Variants in ANKRD36 observed in about 807,000 individuals in gnomAD.
ANKRD36 encodes ankyrin repeat domain-containing protein 36A.
In ANKRD36, 179 loss-of-function variants were observed where a neutral mutation model predicts 278.1. The ratio of observed to expected loss-of-function variants is 0.64; its 90% CI spans 0.57 to 0.73. The LOEUF (loss-of-function observed/expected upper bound fraction) is 0.73. Among genes scored for constraint, ANKRD36 ranks in the 30% least tolerant of loss-of-function variants. The pLI, the probability that ANKRD36 is intolerant of heterozygous loss-of-function variation, is 0.00. For missense variants in ANKRD36, 1,159 were observed against 1,956.7 expected, an observed-to-expected ratio of 0.59 and a Z score of 7.69; for synonymous variants, 320 against 641.1, an observed-to-expected ratio of 0.50 and a Z score of 7.57.
At position 97,138,101 on chromosome 2, in the gene ANKRD36, CA is replaced by C. The variant is rs372696726; in HGVS notation, c.800-4538del. On this transcript the variant is annotated intron_variant, in intron 6 of 75. Transcript: ENST00000420699. Reference sequence around the variant, plus strand: ...TATTGGAAGTTCTGGCCAGGGTAATCAGGCAAGAGAAAGAAATAAACGGTAT... The same window carrying C: ...TATTGGAAGTTCTGGCCAGGGTAATCGGCAAGAGAAAGAAATAAACGGTAT... Among the ~76,000 whole-genome samples the C allele has an allele frequency of 6.7e-3, 1,017 of 151,922 alleles. 52 individuals carry two copies. The East Asian group carries it at 0.11, about 16-fold the overall frequency.
At chr2:97,169,073 A>C (rs566409026) in intron 22 of ANKRD36, among the ~76,000 whole-genome samples, 2 of 152,408 alleles carry the variant, frequency 1.3e-5, no homozygotes, top group South Asian at 2.1e-4. Context: ...CACTCCCACC[A>C]ACAATATAAA....
In ANKRD36 at chr2:97,132,029, G is replaced by T. The variant is rs190734170; in HGVS notation, c.799+4895G>T. ...TTTTTAGTAGAGTCGGGGTTTCACC[G>T]TGTTAGCCAGGATGGTCTGCATCTC... On this transcript the variant is annotated intron_variant, in intron 6 of 75. Coordinates refer to ENST00000420699, the MANE Select transcript of ANKRD36 (RefSeq NM_001354587.1). 2.2e-4 allele frequency among the ~76,000 whole-genome samples: 34 copies of T among 151,930 alleles called. No homozygotes were observed. In the East Asian group the frequency reaches 6.6e-3, roughly 29 times the overall value.
At chr2:97,149,454 T>G (rs1670420977) in intron 12 of ANKRD36, 93 bp downstream of exon 12, 2 of 1,028,314 alleles carry the variant, frequency 1.9e-6, no homozygotes, top group Non-Finnish European at 2.7e-6. Flanking sequence ...CTACCTATCA[T>G]TGTTTTATGT....
At chr2:97,121,570 C>T (rs552584716) in intron 3 of ANKRD36, among the ~76,000 whole-genome samples, 38 of 152,144 alleles carry the variant, frequency 2.5e-4, no homozygotes, top group African/African-American at 8.7e-4. Flanking sequence ...TGCTTGAATC[C>T]GGGAGGCGGA....
intron 67 of ANKRD36, among the ~76,000 whole-genome samples, chr2:97,228,713 T>G (rs1320476497): frequency 2.9e-4 from 44 of 151,302 alleles, no homozygotes; most frequent in African/African-American, 1.0e-3. Context: ...TTTCTAGTTC[T>G]TTTAATTGTG....
chr2:97,118,532 A>G lies in ANKRD36; in HGVS notation c.486+15A>G, dbSNP rs1272460120. On this transcript the variant is annotated intron_variant, in intron 3 of 75. Transcript: ENST00000420699. ...AATGCAGCAAGGTATAGGTCAACCA[A>G]TGTTATTTTCAAACTATCTGAAATG... 11 of 1,524,558 alleles carry G rather than the reference A, an allele frequency of 7.2e-6. 1 individual carries two copies. Among genetic ancestry groups the G allele is most frequent in the Non-Finnish European group, 9.7e-6 (11 of 1,132,938 alleles). 94.4% of individuals were successfully genotyped at this position (1,524,558 alleles called of 1,614,324 possible).
intron 3 of ANKRD36, among the ~76,000 whole-genome samples, chr2:97,120,979 G>T (rs1559207262): frequency 1.3e-5 from 2 of 151,878 alleles, no homozygotes; most frequent in Non-Finnish European, 2.9e-5. Flanking sequence ...GAGGCATGTG[G>T]TCTCCATTTT....
intron 30 of ANKRD36, among the ~76,000 whole-genome samples, 182 bp downstream of exon 30, chr2:97,185,692 G>A (rs368132218): frequency 1.1e-3 from 164 of 151,766 alleles, no homozygotes; most frequent in African/African-American, 3.8e-3. Flanking sequence ...CCTGATCTTC[G>A]CAGTAAGATT....
intron 8 of ANKRD36, 68 bp downstream of exon 8, chr2:97,142,903 A>C: frequency 6.8e-7 from 1 of 1,471,798 alleles, no homozygotes; most frequent in Non-Finnish European, 9.1e-7. Flanking sequence ...TCACTGAATA[A>C]ATCGCAGGGA....
intron 28 of ANKRD36, among the ~76,000 whole-genome samples, chr2:97,183,884 T>C (rs910934920): frequency 6.6e-6 from 1 of 151,570 alleles, no homozygotes; most frequent in Admixed American, 6.6e-5. Flanking sequence ...AGAAGAACCA[T>C]TGGAAAACAG....
At chr2:97,230,626 T>A (rs1490968523) in intron 67 of ANKRD36, among the ~76,000 whole-genome samples, 1 of 152,088 alleles carries the variant, frequency 6.6e-6, no homozygotes, top group Admixed American at 6.6e-5. Flanking sequence ...TCTGAAGCCT[T>A]CTTCTCTCAA....
intron 36 of ANKRD36, among the ~76,000 whole-genome samples, chr2:97,192,641 C>T (rs898185158): frequency 6.6e-6 from 1 of 151,616 alleles, no homozygotes; most frequent in African/African-American, 2.4e-5. Flanking sequence ...ACAAATTATA[C>T]CATGTTTGAA....
chr2:97,195,171 C>A (rs1378909488), intron 40 of ANKRD36, among the ~76,000 whole-genome samples: 4 of 151,996 alleles, frequency 2.6e-5, no homozygotes. Flanking sequence ...ATAAGGGGCT[C>A]TGGGGCCCAG....
At chr2:97,210,055 T>G (rs1029480525) in intron 56 of ANKRD36, among the ~76,000 whole-genome samples, 183 bp downstream of exon 56, 12 of 151,820 alleles carry the variant, frequency 7.9e-5, no homozygotes, top group African/African-American at 2.4e-4. Flanking sequence ...TGATCTTCGC[T>G]CTAAGATTAT....
rs1321404438 is a variant in ANKRD36, at chr2:97,202,886, T to C, written c.2959+493T>C. Among the ~76,000 whole-genome samples the C allele has an allele frequency of 2.0e-5, 3 of 151,752 alleles. No individual in the cohort carries two copies. In the East Asian group the frequency reaches 5.8e-4, roughly 30 times the overall value. On this transcript the variant is annotated intron_variant, in intron 48 of 75. Transcript: ENST00000420699. ...GGAAGGGGTGAAAAGAGGAAGTCATTTGTATAATTTTGGGGTTTCTGCTGA... is the reference window on the plus strand; with the variant it reads ...GGAAGGGGTGAAAAGAGGAAGTCATCTGTATAATTTTGGGGTTTCTGCTGA...
intron 14 of ANKRD36, among the ~76,000 whole-genome samples, chr2:97,153,362 T>A (rs1469095295): frequency 6.6e-6 from 1 of 152,214 alleles, no homozygotes; most frequent in East Asian, 1.9e-4. Flanking sequence ...GGGTTTATGA[T>A]CTTCTATTAT....
At chr2:97,194,974 C>G in intron 40 of ANKRD36, 57 bp downstream of exon 40, 1 of 1,532,800 alleles carries the variant, frequency 6.5e-7, no homozygotes, top group East Asian at 2.5e-5. Flanking sequence ...AGTTCTCTTC[C>G]CCGAATAAAT....
chr2:97,154,006 G>C (rs373353038), intron 14 of ANKRD36, among the ~76,000 whole-genome samples: 196 of 142,352 alleles, frequency 1.4e-3, no homozygotes, highest in Middle Eastern at 3.5e-3. Context: ...ACAATAATTG[G>C]ATTTTATAAT....
At chr2:97,256,430 C>G (rs2076229521) in intron 75 of ANKRD36, among the ~76,000 whole-genome samples, 1 of 150,852 alleles carries the variant, frequency 6.6e-6, no homozygotes, top group African/African-American at 2.4e-5. Context: ...CTTCTTGATT[C>G]AGTCTTGGTA....
Sources: allele counts gnomAD v4.1 joint callset (sites outside exome capture counted in the v4.1 genomes callset), GRCh38; gene constraint gnomAD v4.1.1; transcripts MANE v1.5; gene names NCBI Gene and HGNC (gene_info 2026-07-23, HGNC 2026-07-21).